Variants in ATF7IP2 observed in about 807,000 individuals in gnomAD.
ATF7IP2 encodes the protein activating transcription factor 7 interacting protein 2.
A neutral mutation model predicts 64.2 loss-of-function variants in ATF7IP2; 42 were observed. The ratio of observed to expected loss-of-function variants is 0.65; its 90% CI spans 0.51 to 0.85. The LOEUF is 0.85. Among genes scored for constraint, ATF7IP2 ranks in the 40% least tolerant of loss-of-function variants. ATF7IP2 has a pLI of 0.00. For synonymous variants in ATF7IP2, 308 were observed against 272.8 expected (o/e 1.13, Z -1.27); for missense variants, 933 against 784.2 (o/e 1.19, Z -2.27).
chr16:10,421,624 A>G (rs1322092692), intron 3 of ATF7IP2, among the ~76,000 whole-genome samples: 2 of 152,358 alleles, frequency 1.3e-5, no homozygotes, highest in Admixed American at 6.5e-5. Flanking sequence ...GAATTTTGTC[A>G]GGAGCTATGA....
chr16:10,425,429 A>G (rs2048066135), intron 3 of ATF7IP2, among the ~76,000 whole-genome samples: 1 of 152,108 alleles, frequency 6.6e-6, no homozygotes, highest in Non-Finnish European at 1.5e-5. Flanking sequence ...AGATCTTAAA[A>G]AAAAAAATTA....
In ATF7IP2 at chr16:10,433,249, C is replaced by T. The variant is rs189054663; in HGVS notation, c.836-276C>T. Among the ~76,000 whole-genome samples, 26 of 152,120 alleles carry T rather than the reference C, an allele frequency of 1.7e-4. No individual in the cohort carries two copies. In the East Asian group the frequency reaches 4.4e-3, roughly 26 times the overall value. Reference sequence around the variant, plus strand: ...GCTAGAGTGCAGTAGTCAAGGTGCTCACTGCCACCTCAACCTCCCAGCCTC... The same window carrying T: ...GCTAGAGTGCAGTAGTCAAGGTGCTTACTGCCACCTCAACCTCCCAGCCTC... On this transcript the variant is annotated intron_variant, in intron 5 of 13. Coordinates refer to ENST00000562102, the MANE Select transcript of ATF7IP2 (RefSeq NM_001393719.1).
At chr16:10,393,810 G>C (rs953525096) in intron 1 of ATF7IP2, among the ~76,000 whole-genome samples, 1 of 152,176 alleles carries the variant, frequency 6.6e-6, no homozygotes, top group Non-Finnish European at 1.5e-5. Context: ...CACCTTGGTA[G>C]GCCGAGGATC....
intron 1 of ATF7IP2, chr16:10,387,558 A>C (rs918957436): frequency 2.0e-5 from 3 of 152,158 alleles, no homozygotes; most frequent in African/African-American, 7.2e-5. Context: ...CTTCAATTCC[A>C]TTGTGTTTCC....
chr16:10,478,806 A>T (rs2142101859), intron 12 of ATF7IP2, among the ~76,000 whole-genome samples: 1 of 152,358 alleles, frequency 6.6e-6, no homozygotes, highest in Admixed American at 6.5e-5. Context: ...ACAAATTCAC[A>T]AGAAAAAAAC....
chr16:10,417,214 T>A (rs1309365918), intron 2 of ATF7IP2, among the ~76,000 whole-genome samples: 3 of 151,990 alleles, frequency 2.0e-5, no homozygotes, highest in Non-Finnish European at 4.4e-5. Flanking sequence ...TGTGACAGGA[T>A]CAAAACCTCT....
At chr16:10,430,029 CT>C (rs1236569517) in intron 4 of ATF7IP2, among the ~76,000 whole-genome samples, 11 of 151,186 alleles carry the variant, frequency 7.3e-5, no homozygotes, top group Non-Finnish European at 1.0e-4. Flanking sequence ...AATTTTTGTA[CT>C]TTTAGTAGAG....
At chr16:10,422,520 T>A (rs1015757768) in intron 3 of ATF7IP2, among the ~76,000 whole-genome samples, 3 of 152,190 alleles carry the variant, frequency 2.0e-5, no homozygotes, top group African/African-American at 7.2e-5. Context: ...GGTTGTCCCA[T>A]CAGGCCCTTC....
chr16:10,433,766 G>T (rs1386976247), intron 6 of ATF7IP2, 117 bp downstream of exon 6: 1 of 1,197,254 alleles, frequency 8.4e-7, no homozygotes. Context: ...CTGCAGAGCT[G>T]GTGTGTGAAA....
At chr16:10,460,010 T>TGG (rs1436258246) in intron 9 of ATF7IP2, among the ~76,000 whole-genome samples, 1 of 152,098 alleles carries the variant, frequency 6.6e-6, no homozygotes, top group South Asian at 2.1e-4. Flanking sequence ...TTGGGGTGAT[T>TGG]GGGGGGTGTG....
intron 8 of ATF7IP2, among the ~76,000 whole-genome samples, chr16:10,456,283 C>G (rs2049164909): frequency 6.6e-6 from 1 of 152,088 alleles, no homozygotes; most frequent in Non-Finnish European, 1.5e-5. Context: ...TCAGCCTGAC[C>G]AGATTGCAGA....
At chr16:10,460,278 A>T (rs928159094) in intron 9 of ATF7IP2, among the ~76,000 whole-genome samples, 3 of 152,222 alleles carry the variant, frequency 2.0e-5, no homozygotes, top group Admixed American at 6.5e-5. Context: ...AAGAAAAATC[A>T]ATTAAAAAGA....
In ATF7IP2 at chr16:10,438,121, G is replaced by T; in HGVS notation, c.981G>T (p.Gln327His). The T allele has an allele frequency of 6.4e-7, 1 of 1,560,194 alleles. No homozygotes were observed. Among genetic ancestry groups the T allele is most frequent in the Non-Finnish European group, 8.6e-7 (1 of 1,157,336 alleles). ...FLEQVRHLIQ[Q>H]EIYSINYELF... ...TCTAGGTCAGACATTTGATTCAGCA[G>T]GAGATCTATAGCATAAATTATGAAC... The change falls in exon 7 of 14, where the codon CAG (glutamine) becomes CAT (histidine). Residue 327 changes from glutamine to histidine, a missense_variant. By Grantham distance (24) the Gln-to-His change is conservative. Transcript: ENST00000562102.
Position 10,482,287 on chromosome 16 carries a change from A to G in ATF7IP2, c.*38A>G. 1 of 1,445,560 alleles carries G rather than the reference A, an allele frequency of 6.9e-7. No homozygotes were observed. Among genetic ancestry groups the G allele is most frequent in the Non-Finnish European group, 9.4e-7 (1 of 1,066,758 alleles). The allele number at this position is 1,445,560 out of a possible 1,614,324, so 89.5% of individuals were successfully genotyped here. ...AATGATATACTACTTTTTTTTTCAT[A>G]TTTGTTTGTTTGCAATGTTACTGTA... On this transcript the variant is annotated 3_prime_UTR_variant, in exon 14 of 14. Coordinates refer to ENST00000562102, the MANE Select transcript of ATF7IP2 (RefSeq NM_001393719.1).
intron 2 of ATF7IP2, among the ~76,000 whole-genome samples, chr16:10,415,795 C>G (rs1293805304): frequency 6.6e-6 from 1 of 152,168 alleles, no homozygotes; most frequent in Non-Finnish European, 1.5e-5. Flanking sequence ...AATGGTAATA[C>G]CTGAATAGAC....
In ATF7IP2 at chr16:10,483,302, A is replaced by G. The variant is rs375177623; in HGVS notation, c.*1053A>G. The G allele has an allele frequency of 7.9e-5, 12 of 152,254 alleles. No individual in the cohort carries two copies. In the East Asian group the frequency reaches 1.3e-3, roughly 17 times the overall value. 9.4% of individuals were successfully genotyped at this position (152,254 alleles called of 1,614,324 possible). ...AGGCTTTAGTTTGCTGATTTCCTAA[A>G]TGCTACCCTTTGATCATTTCCTGGC... On this transcript the variant is annotated 3_prime_UTR_variant, in exon 14 of 14. Coordinates refer to ENST00000562102, the MANE Select transcript of ATF7IP2 (RefSeq NM_001393719.1).
At chr16:10,478,523 A>C (rs2050093089) in intron 12 of ATF7IP2, among the ~76,000 whole-genome samples, 1 of 152,238 alleles carries the variant, frequency 6.6e-6, no homozygotes, top group Admixed American at 6.5e-5. Flanking sequence ...TTAAAGACTT[A>C]AACGTTAGAC....
At chr16:10,428,649 C>T (rs1236565365) in intron 3 of ATF7IP2, among the ~76,000 whole-genome samples, 1 of 152,072 alleles carries the variant, frequency 6.6e-6, no homozygotes, top group Admixed American at 6.6e-5. Flanking sequence ...TCTCTGGTGC[C>T]TGGCACCTGT....
chr16:10,482,084 G>C lies in ATF7IP2; in HGVS notation c.1884G>C (p.Lys628Asn). 1 of 1,614,096 alleles carries C rather than the reference G, an allele frequency of 6.2e-7. No homozygotes were observed. The highest frequency in any genetic ancestry group is 8.5e-7 in the Non-Finnish European group (1 of 1,179,992). ...ENSNNKLIWK[K>N]IGEIKALPLP... The stretch of plus-strand genomic sequence containing the variant: ...CTAATAATAAGTTGATTTGGAAGAA[G>C]ATTGGAGAAATTAAAGCTTTACCAC... Residue 628 changes from lysine to asparagine, a missense_variant, in exon 14 of 14, where the codon AAG becomes AAC. By Grantham distance (94) the Lys-to-Asn change is moderately conservative. Transcript: ENST00000562102.
Sources: allele counts gnomAD v4.1 joint callset (sites outside exome capture counted in the v4.1 genomes callset), GRCh38; gene constraint gnomAD v4.1.1; transcripts MANE v1.5; gene names NCBI Gene and HGNC (gene_info 2026-07-23, HGNC 2026-07-21).